Variants in CUX1 observed in about 807,000 individuals in gnomAD.
The protein encoded by CUX1 is protein CASP.
Under a neutral mutation model 158.8 loss-of-function variants are expected in CUX1, and 31 were observed. That is an observed-to-expected ratio of 0.20 (90% CI 0.15 to 0.26). The LOEUF is 0.26. Ranked by LOEUF, CUX1 falls within the 10% of genes least tolerant of loss-of-function variation. CUX1 has a pLI of 1.00. For synonymous variants in CUX1, 879 were observed against 862.1 expected (o/e 1.02, Z -0.34); for missense variants, 1,589 against 2,014.6 (o/e 0.79, Z 4.04).
At position 102,057,898 on chromosome 7, in the gene CUX1, A is replaced by G. The variant is rs138903707; in HGVS notation, c.190-12441A>G. Among the ~76,000 whole-genome samples, 531 of 152,334 alleles carry G rather than the reference A, an allele frequency of 3.5e-3. 4 individuals are homozygous for G. The highest frequency in any genetic ancestry group is 0.012 in the African/African-American group (497 of 41,578). On this transcript the variant is annotated intron_variant, in intron 3 of 23. Transcript: ENST00000292535. ...GAAGTTCTACTGTGGGTAAAAATCT[A>G]TCAAACAGCAATGCATGATACACAG... is the stretch of plus-strand genomic sequence containing the variant.
intron 2 of CUX1, among the ~76,000 whole-genome samples, chr7:102,001,126 G>C (rs185126084): frequency 8.2e-4 from 125 of 152,108 alleles, no homozygotes; most frequent in African/African-American, 2.8e-3. Flanking sequence ...CTAGTGTCCT[G>C]CATTTGTTAA....
intron 3 of CUX1, among the ~76,000 whole-genome samples, chr7:102,029,013 G>T (rs1316657651): frequency 8.2e-6 from 1 of 122,632 alleles, no homozygotes; most frequent in African/African-American, 3.1e-5. Context: ...TTTTTTTGGC[G>T]ACAGAGTCTT....
intron 1 of CUX1, among the ~76,000 whole-genome samples, chr7:101,908,597 C>G (rs1326217427): frequency 6.6e-6 from 1 of 152,206 alleles, no homozygotes; most frequent in Non-Finnish European, 1.5e-5. Context: ...GTGTGAGCCA[C>G]CATGCCTGGC....
chr7:102,002,410 G>A lies in CUX1; in HGVS notation c.142-25688G>A, dbSNP rs10278153. Reference sequence around the variant, plus strand: ...CTGAGATTGGTCACTCCCTTCTTGCGTGGATGGCTGTGGGATTTGGGTGAG... The same window carrying A: ...CTGAGATTGGTCACTCCCTTCTTGCATGGATGGCTGTGGGATTTGGGTGAG... On this transcript the variant is annotated intron_variant, in intron 2 of 23. Transcript: ENST00000292535. Among the ~76,000 whole-genome samples, 418 of 152,332 alleles carry A rather than the reference G, an allele frequency of 2.7e-3. 2 individuals carry two copies. The highest frequency in any genetic ancestry group is 9.7e-3 in the African/African-American group (404 of 41,568).
intron 10 of CUX1, among the ~76,000 whole-genome samples, chr7:102,175,537 G>A (rs1441951440): frequency 6.6e-5 from 10 of 152,060 alleles, no homozygotes; most frequent in Non-Finnish European, 8.8e-5. Flanking sequence ...ACCCCTGGCA[G>A]CTGTCACTCC....
At chr7:102,039,118 GA>G (rs1192778963) in intron 3 of CUX1, among the ~76,000 whole-genome samples, 1 of 152,192 alleles carries the variant, frequency 6.6e-6, no homozygotes, top group Admixed American at 6.6e-5. Flanking sequence ...TTTATTTGCT[GA>G]AAGTTACGAG....
At chr7:101,891,690 T>A (rs1190759692) in intron 1 of CUX1, among the ~76,000 whole-genome samples, 1 of 152,186 alleles carries the variant, frequency 6.6e-6, no homozygotes, top group Non-Finnish European at 1.5e-5. Flanking sequence ...AGAATGTGAC[T>A]TCTGGCCAGG....
At chr7:102,274,564 T>TCC (rs1586521961) in intron 16 of CUX1, among the ~76,000 whole-genome samples, 2 of 152,276 alleles carry the variant, frequency 1.3e-5, no homozygotes, top group East Asian at 3.9e-4. Context: ...TGCAGTGAGC[T>TCC]ATGATGGTGC....
At chr7:102,076,238 A>C (rs1826704320) in intron 4 of CUX1, among the ~76,000 whole-genome samples, 1 of 152,086 alleles carries the variant, frequency 6.6e-6, no homozygotes, top group African/African-American at 2.4e-5. Flanking sequence ...ACAAGACATT[A>C]GGTGGGCGTG....
chr7:102,252,686 CTG>C lies in CUX1; in HGVS notation c.*3647_*3648del. 1 of 985,464 alleles carries C rather than the reference CTG, an allele frequency of 1.0e-6. No homozygotes were observed. The highest frequency in any genetic ancestry group is 1.2e-6 in the Non-Finnish European group (1 of 829,954). 61.0% of individuals were successfully genotyped at this position (985,464 alleles called of 1,614,324 possible). A position where few individuals can be genotyped will look rare whatever the true frequency, so the allele number is the denominator to read the frequency against. ...CAGGTGTGTGAGTTCTGTCCTAGAC[CTG>C]TGCCCAACTCACTTCCACCCCAGAG... On this transcript the variant is annotated 3_prime_UTR_variant, in exon 24 of 24. Coordinates refer to ENST00000292535, the MANE Select transcript of CUX1 (RefSeq NM_181552.4).
chr7:102,069,666 T>C (rs955480062), intron 3 of CUX1, among the ~76,000 whole-genome samples: 1 of 152,184 alleles, frequency 6.6e-6, no homozygotes, highest in Non-Finnish European at 1.5e-5. Flanking sequence ...AAGAATCGCT[T>C]GAACCTGGGA....
intron 4 of CUX1, among the ~76,000 whole-genome samples, chr7:102,072,377 T>C (rs921890251): frequency 2.0e-5 from 3 of 152,184 alleles, no homozygotes; most frequent in Non-Finnish European, 4.4e-5. Context: ...CACACTCCTA[T>C]GCAAACATCT....
chr7:102,124,768 A>G (rs751811279), intron 8 of CUX1, among the ~76,000 whole-genome samples: 6 of 152,000 alleles, frequency 3.9e-5, no homozygotes, highest in Non-Finnish European at 7.4e-5. Context: ...ATATTGTAAA[A>G]TTGGTTAGTA....
intron 2 of CUX1, among the ~76,000 whole-genome samples, chr7:101,972,581 G>A (rs1227619609): frequency 6.6e-6 from 1 of 152,174 alleles, no homozygotes; most frequent in Non-Finnish European, 1.5e-5. Flanking sequence ...TCTGCCCTTT[G>A]CTCCTCCTTT....
chr7:102,242,636 T>C (rs548207341), intron 23 of CUX1, among the ~76,000 whole-genome samples: 6 of 152,364 alleles, frequency 3.9e-5, no homozygotes, highest in African/African-American at 1.4e-4. Flanking sequence ...TAGGTTACCA[T>C]CTGGGCATAG....
At chr7:102,196,553 C>T in intron 14 of CUX1, 81 bp from the exon 15 acceptor site, 2 of 1,331,716 alleles carry the variant, frequency 1.5e-6, no homozygotes, top group Non-Finnish European at 1.0e-6. Flanking sequence ...TTTGCGGGGG[C>T]AAACTTTTGC....
chr7:101,964,493 T>C (rs1482590118), intron 2 of CUX1, among the ~76,000 whole-genome samples: 2 of 152,206 alleles, frequency 1.3e-5, no homozygotes, highest in African/African-American at 2.4e-5. Flanking sequence ...GCAGAATATA[T>C]CCCGATTCTA....
At chr7:102,163,465 T>C (rs1790679969) in intron 9 of CUX1, among the ~76,000 whole-genome samples, 1 of 152,012 alleles carries the variant, frequency 6.6e-6, no homozygotes, top group African/African-American at 2.4e-5. Flanking sequence ...GAGAGTGGGC[T>C]GGTAGGACGG....
At chr7:101,878,196 C>G (rs935502793) in intron 1 of CUX1, among the ~76,000 whole-genome samples, 5 of 152,180 alleles carry the variant, frequency 3.3e-5, no homozygotes, top group African/African-American at 9.7e-5. Context: ...TGTGGAAGTG[C>G]ACATTGCAGT....
Sources: allele counts gnomAD v4.1 joint callset (sites outside exome capture counted in the v4.1 genomes callset), GRCh38; gene constraint gnomAD v4.1.1; transcripts MANE v1.5; gene names NCBI Gene and HGNC (gene_info 2026-07-23, HGNC 2026-07-21).